Variants in ZBTB16 observed in about 807,000 individuals in gnomAD.
ZBTB16 encodes zinc finger and BTB domain containing 16, also known as zinc finger and BTB domain-containing protein 16.
In ZBTB16, 8 loss-of-function variants were observed where a neutral mutation model predicts 56.8. The ratio of observed to expected loss-of-function variants is 0.14; its 90% CI spans 0.08 to 0.25. ZBTB16 has a LOEUF of 0.25. ZBTB16 is among the 10% of genes least tolerant of loss of function. The pLI is 1.00. For missense variants in ZBTB16, 625 were observed against 903.0 expected, an observed-to-expected ratio of 0.69 and a Z score of 3.95; for synonymous variants, 363 against 368.5, an observed-to-expected ratio of 0.98 and a Z score of 0.17.
chr11:114,172,346 T>A (rs892232435), intron 3 of ZBTB16, among the ~76,000 whole-genome samples: 1 of 152,186 alleles, frequency 6.6e-6, no homozygotes, highest in Non-Finnish European at 1.5e-5. Flanking sequence ...AGCTGACATT[T>A]CCTGGAGGCC....
At chr11:114,147,037 T>C (rs528003888) in intron 2 of ZBTB16, among the ~76,000 whole-genome samples, 16 of 152,332 alleles carry the variant, frequency 1.1e-4, no homozygotes, top group African/African-American at 3.8e-4. Flanking sequence ...TTCAGTCTCT[T>C]ATCTTGTGTT....
chr11:114,142,363 G>T (rs1941975088), intron 2 of ZBTB16, among the ~76,000 whole-genome samples: 1 of 152,148 alleles, frequency 6.6e-6, no homozygotes, highest in African/African-American at 2.4e-5. Context: ...TTAGTTAATT[G>T]CACAACGGAT....
intron 5 of ZBTB16, 73 bp from the exon 6 acceptor site, chr11:114,247,125 G>C (rs1944830435): frequency 6.2e-7 from 1 of 1,606,252 alleles, no homozygotes; most frequent in African/African-American, 1.3e-5. Context: ...CTCATGCACA[G>C]AATGTGCCCT....
At chr11:114,080,268 C>T (rs750517768) in intron 2 of ZBTB16, among the ~76,000 whole-genome samples, 5 of 152,074 alleles carry the variant, frequency 3.3e-5, no homozygotes, top group South Asian at 2.1e-4. Context: ...TTCCTTGCCC[C>T]GAACACTTGA....
At chr11:114,070,258 G>C (rs575226820) in intron 2 of ZBTB16, among the ~76,000 whole-genome samples, 6 of 151,320 alleles carry the variant, frequency 4.0e-5, no homozygotes, top group South Asian at 4.2e-4. Context: ...ACAGGCGCCC[G>C]CCACCGCGCC....
intron 2 of ZBTB16, among the ~76,000 whole-genome samples, chr11:114,121,494 G>C (rs531716750): frequency 6.6e-6 from 1 of 152,292 alleles, no homozygotes; most frequent in African/African-American, 2.4e-5. Flanking sequence ...CCTGGTTCTT[G>C]ATTGTGGCTA....
intron 2 of ZBTB16, among the ~76,000 whole-genome samples, chr11:114,136,733 T>C (rs1941806937): frequency 6.6e-6 from 1 of 152,178 alleles, no homozygotes; most frequent in South Asian, 2.1e-4. Context: ...GTTTTACTCT[T>C]CGTCACAGAA....
chr11:114,114,164 G>A (rs1190490348), intron 2 of ZBTB16, among the ~76,000 whole-genome samples: 1 of 152,236 alleles, frequency 6.6e-6, no homozygotes, highest in Non-Finnish European at 1.5e-5. Context: ...AGTTGACAAT[G>A]ATTTCTGGAG....
chr11:114,108,133 A>G (rs575829873), intron 2 of ZBTB16, among the ~76,000 whole-genome samples: 1 of 152,122 alleles, frequency 6.6e-6, no homozygotes, highest in East Asian at 1.9e-4. Context: ...TCATTCATTG[A>G]GCTATTTAAA....
intron 3 of ZBTB16, among the ~76,000 whole-genome samples, chr11:114,183,437 TTC>T (rs1943296336): frequency 6.6e-6 from 1 of 152,218 alleles, no homozygotes; most frequent in Non-Finnish European, 1.5e-5. Flanking sequence ...CCTCCTTCCT[TTC>T]TCTCTGCTTC....
chr11:114,135,976 C>G (rs960151984), intron 2 of ZBTB16, among the ~76,000 whole-genome samples: 5 of 152,166 alleles, frequency 3.3e-5, no homozygotes, highest in African/African-American at 1.2e-4. Flanking sequence ...CCCCTCACTT[C>G]CTTCTTGTGG....
At chr11:114,211,510 GCTTA>G (rs1235681198) in intron 4 of ZBTB16, among the ~76,000 whole-genome samples, 1 of 152,196 alleles carries the variant, frequency 6.6e-6, no homozygotes, top group African/African-American at 2.4e-5. Flanking sequence ...GGGGTTTGGT[GCTTA>G]CTAAGTGTTG....
chr11:114,084,585 T>G, intron 2 of ZBTB16, among the ~76,000 whole-genome samples: 3 of 150,274 alleles, frequency 2.0e-5, no homozygotes, highest in Admixed American at 6.7e-5. Context: ...GGTGAGCGGG[T>G]GGGGGTTGAT....
chr11:114,222,649 G>C (rs1196670042), intron 4 of ZBTB16, among the ~76,000 whole-genome samples: 3 of 152,140 alleles, frequency 2.0e-5, no homozygotes, highest in Non-Finnish European at 4.4e-5. Flanking sequence ...ACTCACATCT[G>C]ACAAAAGCCT....
rs1361965338 is a variant in ZBTB16 at position 114,252,258 on chromosome 11, T to TA, written c.*1704dup. On this transcript the variant is annotated 3_prime_UTR_variant, in exon 7 of 7. Transcript: ENST00000335953. ...ACTCTGGAGAGAATCCCACCTTTCT[T>TA]ACAATTTGCTGGGCCATTGAGGTTT... is the stretch of plus-strand genomic sequence containing the variant. Among the ~76,000 whole-genome samples, 3 of 152,066 alleles carry TA rather than the reference T, an allele frequency of 2.0e-5. No individual in the cohort carries two copies. The highest frequency in any genetic ancestry group is 4.4e-5 in the Non-Finnish European group (3 of 68,024).
chr11:114,061,272 G>A (rs757666121), intron 1 of ZBTB16: 1 of 152,108 alleles, frequency 6.6e-6, no homozygotes, highest in African/African-American at 2.4e-5. Flanking sequence ...AGCGGCGGGT[G>A]GGGGAGACGG....
Position 114,254,623 on chromosome 11 carries a change from G to T in ZBTB16, c.*4068G>T, listed in dbSNP as rs538698937. Among the ~76,000 whole-genome samples the T allele has an allele frequency of 6.6e-6, 1 of 152,092 alleles. No individual in the cohort carries two copies. The highest frequency in any genetic ancestry group is 1.5e-5 in the Non-Finnish European group (1 of 68,026). ...CCGAGCTAGGGTGAAAACTGGGGGC[G>T]CACCAGGATGTGAGACAGAAAAGCA... On this transcript the variant is annotated 3_prime_UTR_variant, in exon 7 of 7. Coordinates refer to ENST00000335953, the MANE Select transcript of ZBTB16 (RefSeq NM_006006.6).
intron 2 of ZBTB16, among the ~76,000 whole-genome samples, chr11:114,125,015 G>A (rs1380846096): frequency 6.6e-6 from 1 of 151,936 alleles, no homozygotes; most frequent in Non-Finnish European, 1.5e-5. Flanking sequence ...TAGTTACTGG[G>A]CCTGACCCTC....
chr11:114,095,252 T>TTCTTTTCTTTC (rs1339445657), intron 2 of ZBTB16, among the ~76,000 whole-genome samples: 3 of 127,302 alleles, frequency 2.4e-5, no homozygotes, highest in Non-Finnish European at 1.6e-5. Context: ...TTTCTTTTTT[T>TTCTTTTCTTTC]TTTTTTTTTT....
Sources: allele counts gnomAD v4.1 joint callset (sites outside exome capture counted in the v4.1 genomes callset), GRCh38; gene constraint gnomAD v4.1.1; transcripts MANE v1.5; gene names NCBI Gene and HGNC (gene_info 2026-07-23, HGNC 2026-07-21).